Variants in GAD2 observed in about 807,000 individuals in gnomAD.
The protein encoded by GAD2 is glutamate decarboxylase 2.
In GAD2, 22 loss-of-function variants were observed where a neutral mutation model predicts 80.1. The ratio of observed to expected loss-of-function variants is 0.27; its 90% CI spans 0.20 to 0.39. The LOEUF (loss-of-function observed/expected upper bound fraction) is 0.39. Ranked by LOEUF, GAD2 falls within the 10% of genes least tolerant of loss-of-function variation. The probability of loss-of-function intolerance (pLI) is 1.00; values close to 1 mark genes in which losing one functional copy is unlikely to be tolerated. For synonymous variants in GAD2, 274 were observed against 256.9 expected, an observed-to-expected ratio of 1.07 and a Z score of -0.64; for missense variants, 624 against 738.4, an observed-to-expected ratio of 0.85 and a Z score of 1.80.
intron 7 of GAD2, among the ~76,000 whole-genome samples, chr10:26,234,442 A>G (rs12263667): frequency 0.16 from 23,858 of 152,172 alleles, 2,941 homozygotes; most frequent in African/African-American, 0.34. Context: ...ATGGCAGAGC[A>G]AGATTCGAAG....
intron 6 of GAD2, among the ~76,000 whole-genome samples, chr10:26,229,197 A>G (rs1039127881): frequency 4.3e-5 from 3 of 70,414 alleles, no homozygotes; most frequent in African/African-American, 2.1e-4. Context: ...CTGTCTCAAG[A>G]AAAAAAAAAA....
intron 5 of GAD2, among the ~76,000 whole-genome samples, chr10:26,224,253 A>T (rs563224566): frequency 6.6e-6 from 1 of 152,294 alleles, no homozygotes; most frequent in East Asian, 1.9e-4. Flanking sequence ...ATGGGACCAG[A>T]TATTATATTT....
chr10:26,280,736 G>C (rs1845261695), intron 11 of GAD2, among the ~76,000 whole-genome samples: 1 of 152,234 alleles, frequency 6.6e-6, no homozygotes, highest in African/African-American at 2.4e-5. Flanking sequence ...GGATGGGGGT[G>C]AGGGTTGAAA....
chr10:26,254,884 G>T (rs150480256), intron 8 of GAD2, among the ~76,000 whole-genome samples: 1 of 152,248 alleles, frequency 6.6e-6, no homozygotes, highest in Admixed American at 6.5e-5. Flanking sequence ...GAGACAGGAG[G>T]CAAGGATGAA....
chr10:26,224,022 G>A, intron 5 of GAD2, 45 bp downstream of exon 5: 1 of 1,336,920 alleles, frequency 7.5e-7, no homozygotes, highest in South Asian at 1.2e-5. Context: ...ATAATTATTA[G>A]TGACATTCCA....
In GAD2 at chr10:26,219,037, C is replaced by G. The variant is rs769211213; in HGVS notation, c.287-6C>G. The G allele has an allele frequency of 6.4e-7, 1 of 1,565,558 alleles. No homozygotes were observed. Among genetic ancestry groups the G allele is most frequent in the Admixed American group, 1.9e-5 (1 of 51,394 alleles). On this transcript the variant is annotated splice_polypyrimidine_tract_variant and splice_region_variant and intron_variant, in intron 3 of 15. Coordinates refer to ENST00000376261, the MANE Select transcript of GAD2 (RefSeq NM_001134366.2). ...TAAAATGTGGCATTTTAATTTCATT[C>G]TTTAGACCTGCTGCCGGCGTGTGAT...
chr10:26,300,807 C>T lies in GAD2; in HGVS notation c.1604C>T (p.Ala535Val). ...CCACAGGTGGCTCCAGTGATTAAAG[C>T]CAGAATGATGGAGTATGGAACCACA... ...RLSKVAPVIK[A>V]RMMEYGTTMV... The change falls in exon 16 of 16, where the codon GCC (alanine) becomes GTC (valine). Residue 535 changes from alanine to valine, a missense_variant. Transcript: ENST00000376261. 1 of 1,613,612 alleles carries T rather than the reference C, an allele frequency of 6.2e-7. No individual in the cohort carries two copies. The highest frequency in any genetic ancestry group is 8.5e-7 in the Non-Finnish European group (1 of 1,179,668).
chr10:26,286,167 A>G (rs8190769), intron 12 of GAD2, among the ~76,000 whole-genome samples, 178 bp from the exon 13 acceptor site: 4 of 152,194 alleles, frequency 2.6e-5, no homozygotes, highest in Admixed American at 6.5e-5. Flanking sequence ...GACCATTACA[A>G]CAACCTAGAC....
At position 26,301,597 on chromosome 10, in the gene GAD2, A is replaced by T. The variant is rs1373716619; in HGVS notation, c.*636A>T. The stretch of plus-strand genomic sequence containing the variant: ...TTTTCCTTTCTCTTAATGGAGGCAC[A>T]ATAAAACACTTAGCAAAGTTATTTT... On this transcript the variant is annotated 3_prime_UTR_variant, in exon 16 of 16. Transcript: ENST00000376261. 1 of 152,232 alleles carries T rather than the reference A, an allele frequency of 6.6e-6. No homozygotes were observed. The highest frequency in any genetic ancestry group is 6.5e-5 in the Admixed American group (1 of 15,288). The allele number at this position is 152,232 out of a possible 1,614,324, so 9.4% of individuals were successfully genotyped here.
intron 8 of GAD2, among the ~76,000 whole-genome samples, chr10:26,265,680 A>G (rs1205187104): frequency 6.6e-6 from 1 of 152,198 alleles, no homozygotes. Flanking sequence ...TGTAAGCTTA[A>G]AGGCTGGATG....
chr10:26,266,818 T>A (rs1845079687), intron 8 of GAD2, among the ~76,000 whole-genome samples: 1 of 152,258 alleles, frequency 6.6e-6, no homozygotes, highest in Admixed American at 6.5e-5. Context: ...AAAATATTTA[T>A]CTTATCTTAA....
chr10:26,243,947 G>A (rs1844774269), intron 7 of GAD2, among the ~76,000 whole-genome samples: 1 of 152,168 alleles, frequency 6.6e-6, no homozygotes, highest in African/African-American at 2.4e-5. Context: ...TTGGCTTTGA[G>A]TTCCTGTGTG....
intron 9 of GAD2, among the ~76,000 whole-genome samples, chr10:26,269,489 T>C (rs969357098): frequency 6.6e-6 from 1 of 152,176 alleles, no homozygotes; most frequent in Non-Finnish European, 1.5e-5. Context: ...GGCGGGGAAA[T>C]AGCAGAATGC....
In GAD2 at chr10:26,217,518, G is replaced by T. The variant is rs761350176; in HGVS notation, c.77-92G>T. The T allele has an allele frequency of 3.6e-5, 49 of 1,367,208 alleles. No individual in the cohort carries two copies. Among genetic ancestry groups the T allele is most frequent in the Non-Finnish European group, 4.6e-5 (45 of 978,986 alleles). 84.7% of individuals were successfully genotyped at this position (1,367,208 alleles called of 1,614,324 possible). On this transcript the variant is annotated intron_variant, in intron 1 of 15. Transcript: ENST00000376261. This position sits in a 1 kb window ranked among gnomAD's most constrained non-coding sequence, Gnocchi z 4.9. ...GAAGGCGGCCCCTCCTAGGACCCCG[G>T]ACTGATTGATTTTCACATAGAACGA...
chr10:26,277,408 G>C (rs2132309769), intron 11 of GAD2, among the ~76,000 whole-genome samples: 1 of 152,324 alleles, frequency 6.6e-6, no homozygotes, highest in Non-Finnish European at 1.5e-5. Flanking sequence ...CTGTGTGGCT[G>C]CCATTATGCG....
intron 10 of GAD2, 53 bp downstream of exon 10, chr10:26,270,809 T>A: frequency 8.9e-7 from 1 of 1,120,886 alleles, no homozygotes; most frequent in Non-Finnish European, 1.4e-6. Context: ...GTTTTTCATG[T>A]GGGACACACA....
intron 8 of GAD2, among the ~76,000 whole-genome samples, chr10:26,268,385 G>A (rs918303711): frequency 6.6e-6 from 1 of 151,248 alleles, no homozygotes; most frequent in African/African-American, 2.4e-5. Flanking sequence ...GGAGAATGGT[G>A]TGAACCCGGG....
chr10:26,264,896 T>C (rs1450826977), intron 8 of GAD2, among the ~76,000 whole-genome samples: 2 of 152,212 alleles, frequency 1.3e-5, no homozygotes, highest in Non-Finnish European at 2.9e-5. Flanking sequence ...ATAGTATCTC[T>C]AGTTTCAGCA....
intron 7 of GAD2, among the ~76,000 whole-genome samples, chr10:26,231,014 G>A (rs1844594293): frequency 6.6e-6 from 1 of 151,984 alleles, no homozygotes; most frequent in Admixed American, 6.6e-5. Flanking sequence ...CACTTGAACC[G>A]AGGAGGCAAA....
Sources: gnomAD v4.1 joint callset for allele counts (sites outside exome capture counted in the v4.1 genomes callset) on GRCh38, gnomAD v4.1.1 for gene constraint, Gnocchi (gnomAD v3.1) non-coding constraint, MANE v1.5 for transcripts, NCBI Gene and HGNC (gene_info 2026-07-23, HGNC 2026-07-21) for gene names.